The following CD8B variants were observed in gnomAD, a reference collection of about 807,000 sequenced individuals.
CD8B encodes CD8 subunit beta, also known as T-cell surface glycoprotein CD8 beta chain.
CD8B carries 6 observed loss-of-function variants against 24.2 expected under a neutral mutation model. The ratio of observed to expected loss-of-function variants is 0.25; its 90% CI spans 0.14 to 0.49. CD8B has a LOEUF of 0.49. Among genes scored for constraint, CD8B ranks in the 20% least tolerant of loss-of-function variants. The pLI is 0.98. For synonymous variants in CD8B, 84 were observed against 108.3 expected, an observed-to-expected ratio of 0.78 and a Z score of 1.39; for missense variants, 196 against 271.3, an observed-to-expected ratio of 0.72 and a Z score of 1.95.
At chr2:86,855,140 G>T (rs911941660) in intron 2 of CD8B, among the ~76,000 whole-genome samples, 14 of 152,032 alleles carry the variant, frequency 9.2e-5, no homozygotes, top group East Asian at 1.9e-4. Context: ...GTTTTGGGGG[G>T]TTGTAAGGGG....
rs138527893 is a variant in CD8B at position 86,817,540 on chromosome 2, G to C, written c.621-1822C>G. On this transcript the variant is annotated intron_variant, in intron 5 of 5. Transcript: ENST00000331469. Reference sequence around the variant, plus strand: ...AATTTTAAAAGTGCATGTACACTCTGACATTATTTATAAAAAATAAAAGCA... The same window carrying C: ...AATTTTAAAAGTGCATGTACACTCTCACATTATTTATAAAAAATAAAAGCA... Among the ~76,000 whole-genome samples the C allele has an allele frequency of 4.9e-3, 740 of 152,154 alleles. 6 individuals are homozygous for C. The highest frequency in any genetic ancestry group is 0.016 in the African/African-American group (680 of 41,508).
At chr2:86,831,413 T>A (rs1674900961) in intron 5 of CD8B, among the ~76,000 whole-genome samples, 1 of 152,246 alleles carries the variant, frequency 6.6e-6, no homozygotes, top group Non-Finnish European at 1.5e-5. Flanking sequence ...ACATTTGTCA[T>A]GTAATCCACA....
chr2:86,834,555 C>T (rs1675092976), downstream of CD8B, among the ~76,000 whole-genome samples: 1 of 151,868 alleles, frequency 6.6e-6, no homozygotes, highest in Non-Finnish European at 1.5e-5. Context: ...TTGGAGTTAC[C>T]ATCAGGAGCG....
At chr2:86,850,590 G>A (rs1251241031) in intron 3 of CD8B, among the ~76,000 whole-genome samples, 1 of 152,072 alleles carries the variant, frequency 6.6e-6, no homozygotes, top group Non-Finnish European at 1.5e-5. Context: ...GGTAGACAGA[G>A]ATTCAGACCT....
In CD8B at chr2:86,841,855, C is replaced by A. The variant is rs537421839; in HGVS notation, c.*452G>T. ...TCCCAACCTGCACCTGGCCTCTCTG[C>A]GAGGAAGGTCAGCCCCAGCCTGGGA... On this transcript the variant is annotated 3_prime_UTR_variant, in exon 6 of 6. Transcript: ENST00000390655. The A allele has an allele frequency of 3.0e-5, 30 of 986,332 alleles. No homozygotes were observed. Among genetic ancestry groups the A allele is most frequent in the Non-Finnish European group, 3.6e-5 (30 of 830,704 alleles). The allele number at this position is 986,332 out of a possible 1,614,324, so 61.1% of individuals were successfully genotyped here.
intron 5 of CD8B, among the ~76,000 whole-genome samples, chr2:86,829,708 T>G (rs1327587929): frequency 6.6e-6 from 1 of 152,204 alleles, no homozygotes; most frequent in African/African-American, 2.4e-5. Context: ...CTCCTTGCAG[T>G]CAGTTTCTCT....
chr2:86,819,076 A>T (rs1327648111), intron 5 of CD8B, among the ~76,000 whole-genome samples: 2 of 152,238 alleles, frequency 1.3e-5, no homozygotes, highest in South Asian at 4.1e-4. Flanking sequence ...CTTAAATTTT[A>T]TGAAAGCTGA....
rs115668801 is a variant in CD8B at position 86,824,197 on chromosome 2, G to A, written c.621-8479C>T. Among the ~76,000 whole-genome samples, 830 of 152,024 alleles carry A rather than the reference G, an allele frequency of 5.5e-3. 6 individuals carry two copies. The highest frequency in any genetic ancestry group is 0.019 in the African/African-American group (768 of 41,466). ...AACAAGTGCCAATGCTTCATGCAGGGCACAACCTCTGCCACACTTTTACCT... is the reference window on the plus strand; with the variant it reads ...AACAAGTGCCAATGCTTCATGCAGGACACAACCTCTGCCACACTTTTACCT... On this transcript the variant is annotated intron_variant, in intron 5 of 5. Transcript: ENST00000331469.
At chr2:86,836,416 C>T (rs1415648259), downstream of CD8B, among the ~76,000 whole-genome samples, 8 of 152,212 alleles carry the variant, frequency 5.3e-5, no homozygotes, top group African/African-American at 1.4e-4. Context: ...CTGGCCATGC[C>T]GCACCCCTAG....
chr2:86,858,410 T>C lies in CD8B; in HGVS notation c.50A>G (p.His17Arg), dbSNP rs368650240. 7.6e-6 allele frequency: 12 copies of C among 1,585,678 alleles called. No individual in the cohort carries two copies. Among genetic ancestry groups the C allele is most frequent in the East Asian group, 4.5e-5 (2 of 44,418 alleles). ...LLLAAQLTVL[H>R]GNSVLQQTPA... is the part of the protein sequence containing the mutation. ...GGTCTGCTGGAGGACTGAGTTGCCA[T>C]GGAGAACTAGGAAAAGCCAAGAACA... Residue 17 changes from histidine (H) to arginine (R), a missense_variant, in exon 2 of 6, where the codon CAT becomes CGT. Coordinates refer to ENST00000390655, the MANE Select transcript of CD8B (RefSeq NM_004931.5).
chr2:86,835,121 TG>T (rs1178813396), downstream of CD8B, among the ~76,000 whole-genome samples: 1 of 152,168 alleles, frequency 6.6e-6, no homozygotes, highest in Non-Finnish European at 1.5e-5. Context: ...GACTTTCTGA[TG>T]GAGGAAGATG....
At chr2:86,825,056 G>A (rs1674623104) in intron 5 of CD8B, among the ~76,000 whole-genome samples, 1 of 152,180 alleles carries the variant, frequency 6.6e-6, no homozygotes, top group South Asian at 2.1e-4. Context: ...CAATTTATAT[G>A]GGCCCTGGAG....
chr2:86,831,083 T>A (rs1363596252), intron 5 of CD8B, among the ~76,000 whole-genome samples: 2 of 152,206 alleles, frequency 1.3e-5, no homozygotes, highest in African/African-American at 4.8e-5. Context: ...TGTTTGTTTG[T>A]TTTTGAGACG....
At chr2:86,816,782 C>T (rs1674266087) in intron 5 of CD8B, among the ~76,000 whole-genome samples, 2 of 152,118 alleles carry the variant, frequency 1.3e-5, no homozygotes, top group Admixed American at 1.3e-4. Context: ...GTTTTTAAGA[C>T]AGAGACATGA....
intron 1 of CD8B, among the ~76,000 whole-genome samples, chr2:86,858,639 C>A (rs1238743665): frequency 7.1e-6 from 1 of 141,474 alleles, no homozygotes; most frequent in Non-Finnish European, 1.5e-5. Flanking sequence ...CTAAGTTCAG[C>A]TTTACAAAGG....
At chr2:86,861,730 T>TGCCAGGACCAGG (rs1676607406) in intron 1 of CD8B, 93 bp downstream of exon 1, 1 of 1,019,904 alleles carries the variant, frequency 9.8e-7, no homozygotes, top group African/African-American at 1.7e-5. Flanking sequence ...CGCTGCACCC[T>TGCCAGGACCAGG]GCCAGGACCA....
At chr2:86,846,560 A>T in intron 4 of CD8B, 124 bp downstream of exon 4, 1 of 606,074 alleles carries the variant, frequency 1.6e-6, no homozygotes, top group Non-Finnish European at 2.9e-6. Flanking sequence ...GAAATACCGT[A>T]GGTTCTCTGA....
intron 5 of CD8B, among the ~76,000 whole-genome samples, chr2:86,827,575 G>A (rs1674741685): frequency 6.6e-6 from 1 of 150,830 alleles, no homozygotes; most frequent in South Asian, 2.1e-4. Context: ...TGAGCCGAGA[G>A]GGCACCACTG....
intron 3 of CD8B, among the ~76,000 whole-genome samples, chr2:86,851,082 CT>C (rs949599544): frequency 2.1e-5 from 3 of 144,050 alleles, no homozygotes; most frequent in Non-Finnish European, 4.5e-5. Context: ...CACAGTGAGA[CT>C]CCATTTCAAA....
Sources: allele counts gnomAD v4.1 joint callset (sites outside exome capture counted in the v4.1 genomes callset), GRCh38; gene constraint gnomAD v4.1.1; transcripts MANE v1.5; gene names NCBI Gene and HGNC (gene_info 2026-07-23, HGNC 2026-07-21).